FAM193A: variants seen among roughly 807,000 people sequenced by gnomAD.
FAM193A encodes the protein protein FAM193A.
FAM193A carries 22 observed loss-of-function variants against 126.5 expected under a neutral mutation model. That is an observed-to-expected ratio of 0.17 (90% CI 0.12 to 0.25). FAM193A has a LOEUF of 0.25. Among genes scored for constraint, FAM193A ranks in the 10% least tolerant of loss-of-function variants. The probability of loss-of-function intolerance (pLI) is 1.00; values close to 1 mark genes in which losing one functional copy is unlikely to be tolerated. For missense variants in FAM193A, 1,675 were observed against 1,672.8 expected (o/e 1.00, Z -0.02); for synonymous variants, 761 against 646.8 (o/e 1.18, Z -2.68).
At chr4:2,581,536 G>A (rs1199518662) in intron 1 of FAM193A, among the ~76,000 whole-genome samples, 1 of 152,098 alleles carries the variant, frequency 6.6e-6, no homozygotes, top group Non-Finnish European at 1.5e-5. Flanking sequence ...TTACAGGCGT[G>A]AGCCACCATG....
intron 2 of FAM193A, among the ~76,000 whole-genome samples, chr4:2,611,231 A>G (rs546173889): frequency 2.5e-4 from 38 of 151,974 alleles, no homozygotes; most frequent in African/African-American, 9.2e-4. Flanking sequence ...TTGTAGTGTT[A>G]TCCTTCATTA....
chr4:2,559,893 C>T (rs750089661), intron 1 of FAM193A, among the ~76,000 whole-genome samples: 7 of 152,102 alleles, frequency 4.6e-5, no homozygotes, highest in African/African-American at 1.7e-4. Flanking sequence ...GTGCGGCCTG[C>T]GTGGCCTGAT....
At chr4:2,637,712 C>T (rs949312432) in intron 5 of FAM193A, among the ~76,000 whole-genome samples, 3 of 152,158 alleles carry the variant, frequency 2.0e-5, no homozygotes, top group Non-Finnish European at 2.9e-5. Flanking sequence ...CCCTGCATGC[C>T]CCGGTCCAGT....
At chr4:2,546,594 G>GTA (rs1430959930) in intron 1 of FAM193A, among the ~76,000 whole-genome samples, 1 of 152,172 alleles carries the variant, frequency 6.6e-6, no homozygotes, top group Non-Finnish European at 1.5e-5. Context: ...GTTGTTGCAT[G>GTA]TATCAGTAGC....
At chr4:2,562,262 A>G (rs1410961138) in intron 1 of FAM193A, among the ~76,000 whole-genome samples, 4 of 152,108 alleles carry the variant, frequency 2.6e-5, no homozygotes, top group Non-Finnish European at 5.9e-5. Context: ...AGCCTGGGCA[A>G]CATAGGGAGA....
chr4:2,690,806 C>A lies in FAM193A; in HGVS notation c.2639C>A (p.Ala880Asp). The change falls in exon 15 of 21, where the codon GCT becomes GAT. Residue 880 changes from alanine to aspartate, a missense_variant. Physicochemically the swap from Ala to Asp is moderately radical, Grantham distance 126. Transcript: ENST00000637812. ...AVSDSKEKKN[A>D]AKKKCLYNFQ... The stretch of plus-strand genomic sequence containing the variant: ...TCGGATAGTAAAGAGAAAAAGAATG[C>A]TGCAAAAAAGAAATGTTTATACAAT... The A allele has an allele frequency of 6.2e-7, 1 of 1,614,058 alleles. No homozygotes were observed.
intron 18 of FAM193A, among the ~76,000 whole-genome samples, chr4:2,697,704 C>T (rs1025610700): frequency 1.3e-5 from 2 of 152,254 alleles, no homozygotes; most frequent in Non-Finnish European, 1.5e-5. Flanking sequence ...GCTCATACCT[C>T]GCAGTCCTAC....
At chr4:2,576,441 T>C (rs1377617805) in intron 1 of FAM193A, among the ~76,000 whole-genome samples, 3 of 152,148 alleles carry the variant, frequency 2.0e-5, no homozygotes, top group Non-Finnish European at 4.4e-5. Flanking sequence ...GGCATGTACC[T>C]ATAGGTCCAG....
chr4:2,648,704 C>T (rs1188465971), intron 7 of FAM193A, among the ~76,000 whole-genome samples: 1 of 152,238 alleles, frequency 6.6e-6, no homozygotes, highest in Non-Finnish European at 1.5e-5. Flanking sequence ...GCGCTGAAAG[C>T]TGCATTCCCC....
Position 2,699,781 on chromosome 4 carries a change from AGAG to A in FAM193A, c.3615_3617del (p.Glu1205del), listed in dbSNP as rs763047886. 3.1e-6 allele frequency: 5 copies of A among 1,613,918 alleles called. No individual in the cohort carries two copies. In the South Asian group the frequency reaches 4.4e-5, roughly 14 times the overall value. ...GGGAGGAGGAGGAGGATGAGGAAGA[AGAG>A]GAGGATCGTTTCAAGGAGGAATTTC... On this transcript the variant is annotated inframe_deletion, in exon 19 of 21. Coordinates refer to ENST00000637812, the MANE Select transcript of FAM193A (RefSeq NM_001366318.2).
intron 13 of FAM193A, among the ~76,000 whole-genome samples, chr4:2,674,065 T>G (rs1164396193): frequency 6.6e-6 from 1 of 152,238 alleles, no homozygotes; most frequent in Non-Finnish European, 1.5e-5. Flanking sequence ...CTTAGAAATT[T>G]ATAACTAAAC....
intron 1 of FAM193A, among the ~76,000 whole-genome samples, chr4:2,549,274 G>C (rs1737756682): frequency 1.3e-5 from 2 of 151,268 alleles, no homozygotes; most frequent in Non-Finnish European, 3.0e-5. Context: ...AAATATTAAT[G>C]TGAATGAAGT....
chr4:2,554,311 C>CT (rs1288540872), intron 1 of FAM193A, among the ~76,000 whole-genome samples: 1 of 151,894 alleles, frequency 6.6e-6, no homozygotes, highest in Non-Finnish European at 1.5e-5. Flanking sequence ...TCTTGAACTC[C>CT]TGACCTCGTG....
At chr4:2,640,291 C>G (rs113250547) in intron 6 of FAM193A, among the ~76,000 whole-genome samples, 1 of 152,136 alleles carries the variant, frequency 6.6e-6, no homozygotes, top group East Asian at 1.9e-4. Context: ...CTACCCGAGG[C>G]TCTGTTGCTC....
chr4:2,605,410 T>C (rs1016500924), intron 2 of FAM193A, among the ~76,000 whole-genome samples: 4 of 152,230 alleles, frequency 2.6e-5, no homozygotes, highest in Non-Finnish European at 5.9e-5. Context: ...TGTGTGTTAT[T>C]TTATGTCTTA....
chr4:2,697,677 C>T (rs1005483768), intron 18 of FAM193A, among the ~76,000 whole-genome samples: 8 of 152,222 alleles, frequency 5.3e-5, no homozygotes, highest in Admixed American at 5.2e-4. Context: ...TGTGATTGTT[C>T]TACCCTCAAG....
chr4:2,646,703 C>T lies in FAM193A; in HGVS notation c.1182C>T (p.His394=), dbSNP rs150567078. The change falls in exon 7 of 21, where the codon CAC becomes CAT. Residue 394 remains histidine, a synonymous_variant. Transcript: ENST00000637812. ...CTCCTAGGCTAGGAACCACCACACA[C>T]GACACCTGCAGTGAGGACACATACA... ...VSQIRLGTTT[H]DTCSEDTYST... 4,755 of 1,609,376 alleles carry T rather than the reference C, an allele frequency of 3.0e-3. 18 individuals carry two copies. Among genetic ancestry groups the T allele is most frequent in the Non-Finnish European group, 3.7e-3 (4,337 of 1,177,772 alleles).
intron 1 of FAM193A, among the ~76,000 whole-genome samples, chr4:2,561,342 C>T (rs1029891063): frequency 4.0e-5 from 6 of 151,376 alleles, no homozygotes; most frequent in African/African-American, 1.2e-4. Context: ...CAACCATGCC[C>T]GGCTAATTTT....
At chr4:2,594,640 C>T (rs1047360929) in intron 1 of FAM193A, among the ~76,000 whole-genome samples, 7 of 152,028 alleles carry the variant, frequency 4.6e-5, no homozygotes, top group African/African-American at 4.8e-5. Flanking sequence ...CCTCAGGGTT[C>T]GAAGGGGCTT....
Sources: allele counts gnomAD v4.1 joint callset (sites outside exome capture counted in the v4.1 genomes callset), GRCh38; gene constraint gnomAD v4.1.1; transcripts MANE v1.5; gene names NCBI Gene and HGNC (gene_info 2026-07-23, HGNC 2026-07-21).